The following SLC30A8 variants were observed in gnomAD, a reference collection of about 807,000 sequenced individuals.
SLC30A8 encodes the protein solute carrier family 30 member 8.
A neutral mutation model predicts 36.9 loss-of-function variants in SLC30A8; 27 were observed. The observed-to-expected ratio is 0.73, with a 90% CI of 0.54 to 1.01. The LOEUF (loss-of-function observed/expected upper bound fraction) is 1.01. Ranked by LOEUF, SLC30A8 falls within the 50% of genes least tolerant of loss-of-function variation. The pLI, the probability that SLC30A8 is intolerant of heterozygous loss-of-function variation, is 0.00. For missense variants in SLC30A8, 439 were observed against 452.0 expected (o/e 0.97, Z 0.26); for synonymous variants, 164 against 172.4 (o/e 0.95, Z 0.38).
rs562573611 is a variant in SLC30A8 at position 116,980,687 on chromosome 8, T to C, written c.-266+29568T>C. Among the ~76,000 whole-genome samples the C allele has an allele frequency of 1.9e-4, 29 of 152,202 alleles. 1 individual carries two copies. The South Asian group carries it at 5.8e-3, about 30-fold the overall frequency. ...AACTGGAAAGGGGAATAGAAAACTCTATGCTGCAGCAGAACAAGGTAAAGA... is the reference window on the plus strand; with the variant it reads ...AACTGGAAAGGGGAATAGAAAACTCCATGCTGCAGCAGAACAAGGTAAAGA... On this transcript the variant is annotated intron_variant, in intron 1 of 10. Coordinates refer to the SLC30A8 transcript ENST00000427715.
intron 2 of SLC30A8, 90 bp from the exon 3 acceptor site, chr8:117,152,854 T>C: frequency 9.3e-7 from 1 of 1,076,590 alleles, no homozygotes; most frequent in South Asian, 2.9e-5. Context: ...TTTGTGAGTC[T>C]GTGGCATTTT....
chr8:117,097,414 A>T (rs1362081007), intron 2 of SLC30A8, among the ~76,000 whole-genome samples: 1,613 of 119,956 alleles, frequency 0.013, 101 homozygotes, highest in African/African-American at 0.044. Flanking sequence ...AAAAAAAAAA[A>T]AAAAATATAT....
At chr8:117,160,446 T>TGTGTGTGTGTGTGTGTGTGC (rs150458118) in intron 4 of SLC30A8, among the ~76,000 whole-genome samples, 1 of 144,516 alleles carries the variant, frequency 6.9e-6, no homozygotes, top group African/African-American at 2.5e-5. Context: ...CGCGCACATG[T>TGTGTGTGTGTGTGTGTGTGC]GCGCGCGGTG....
intron 1 of SLC30A8, among the ~76,000 whole-genome samples, chr8:117,017,226 C>T (rs922420412): frequency 7.9e-5 from 12 of 152,100 alleles, no homozygotes; most frequent in Non-Finnish European, 1.5e-5. Context: ...GCTATTGCTG[C>T]TGTTATTAAT....
In SLC30A8 at chr8:116,971,310, AAAAAC is replaced by A. The variant is rs1451611176; in HGVS notation, c.-266+20196_-266+20200del. ...TAGAGGCATTCCCTGTAGGAAAAAA[AAAAAC>A]AAAAACACATCAACTAAATTAAAGT... On this transcript the variant is annotated intron_variant, in intron 1 of 10. Coordinates refer to the SLC30A8 transcript ENST00000427715. Among the ~76,000 whole-genome samples, 12 of 151,882 alleles carry A rather than the reference AAAAAC, an allele frequency of 7.9e-5. No homozygotes were observed. In the East Asian group the frequency reaches 2.3e-3, roughly 29 times the overall value.
chr8:116,984,680 G>A (rs1479003982), intron 1 of SLC30A8, among the ~76,000 whole-genome samples: 3 of 151,702 alleles, frequency 2.0e-5, no homozygotes, highest in African/African-American at 7.3e-5. Context: ...CATTTCAATG[G>A]CTACAAATGT....
chr8:117,062,254 G>A (rs1204501178), intron 2 of SLC30A8, among the ~76,000 whole-genome samples: 2 of 152,174 alleles, frequency 1.3e-5, no homozygotes, highest in African/African-American at 2.4e-5. Context: ...GGTTGTTCTT[G>A]TATTACTATA....
At chr8:117,132,698 G>T (rs983593140), upstream of SLC30A8, among the ~76,000 whole-genome samples, 2 of 151,996 alleles carry the variant, frequency 1.3e-5, no homozygotes, top group Non-Finnish European at 2.9e-5. Context: ...TAGACCAAAG[G>T]TTTGTCAGGG....
chr8:116,970,643 A>G (rs1814761191), intron 1 of SLC30A8, among the ~76,000 whole-genome samples: 1 of 152,144 alleles, frequency 6.6e-6, no homozygotes, highest in African/African-American at 2.4e-5. Context: ...TTTTAATTGT[A>G]TGGGACCACC....
intron 7 of SLC30A8, 84 bp from the exon 8 acceptor site, chr8:117,172,452 G>C: frequency 6.3e-7 from 1 of 1,592,894 alleles, no homozygotes; most frequent in Non-Finnish European, 8.6e-7. Context: ...GCAGGTCAAA[G>C]ACAAAGTACT....
intron 1 of SLC30A8, among the ~76,000 whole-genome samples, chr8:117,020,292 GATAAATA>G (rs796124829): frequency 2.6e-5 from 4 of 152,212 alleles, no homozygotes; most frequent in African/African-American, 9.6e-5. Flanking sequence ...CCAATAAAAT[GATAAATA>G]ATAGAAAGAC....
chr8:117,073,813 A>C (rs1263794973), intron 2 of SLC30A8, among the ~76,000 whole-genome samples: 1 of 152,132 alleles, frequency 6.6e-6, no homozygotes, highest in Non-Finnish European at 1.5e-5. Flanking sequence ...CCAATGGCAC[A>C]GTGGATGACA....
At chr8:117,169,546 C>T (rs1167135160) in intron 6 of SLC30A8, among the ~76,000 whole-genome samples, 2 of 152,088 alleles carry the variant, frequency 1.3e-5, no homozygotes, top group South Asian at 4.2e-4. Flanking sequence ...CTCCCATACC[C>T]AGTGTTATTA....
intron 7 of SLC30A8, 85 bp downstream of exon 7, chr8:117,171,253 C>T: frequency 7.1e-7 from 1 of 1,410,122 alleles, no homozygotes; most frequent in East Asian, 2.3e-5. Flanking sequence ...GTAGAGCTGC[C>T]CTTATTGTCT....
At chr8:117,124,868 C>T (rs1448904825) in intron 2 of SLC30A8, among the ~76,000 whole-genome samples, 6 of 151,376 alleles carry the variant, frequency 4.0e-5, no homozygotes, top group African/African-American at 1.5e-4. Flanking sequence ...TACCCAAAAC[C>T]TCAACATCCC....
Position 117,023,100 on chromosome 8 carries a change from G to T in SLC30A8, c.-265-16119G>T, listed in dbSNP as rs145719800. ...ATACTTCTCAAAAGAAGACATTTATGCAGCCAAAAGACACATGAAAAAATG... is the reference window on the plus strand; with the variant it reads ...ATACTTCTCAAAAGAAGACATTTATTCAGCCAAAAGACACATGAAAAAATG... On this transcript the variant is annotated intron_variant, in intron 1 of 10. Transcript: ENST00000427715. 7.3e-3 allele frequency among the ~76,000 whole-genome samples: 1,106 copies of T among 152,304 alleles called. 7 individuals are homozygous for T. The highest frequency in any genetic ancestry group is 0.025 in the African/African-American group (1,029 of 41,560).
In SLC30A8 at chr8:117,170,907, G is replaced by A. The variant is rs1823343767; in HGVS notation, c.830-127G>A. ...AGGTAAATCTTATTTGTAAACATTT[G>A]AAGTAAGAAACCAGCAAAGGGATGA... On this transcript the variant is annotated intron_variant, in intron 6 of 7. Transcript: ENST00000456015. The A allele has an allele frequency of 4.0e-6, 3 of 748,246 alleles. No homozygotes were observed. In the East Asian group the frequency reaches 8.3e-5, roughly 21 times the overall value. The allele number at this position is 748,246 out of a possible 1,614,324, so 46.4% of individuals were successfully genotyped here. A position where few individuals can be genotyped will look rare whatever the true frequency, so the allele number is the denominator to read the frequency against.
chr8:117,045,336 C>G (rs1817517498), intron 2 of SLC30A8, among the ~76,000 whole-genome samples: 4 of 152,042 alleles, frequency 2.6e-5, no homozygotes, highest in Admixed American at 2.6e-4. Context: ...CATCGTTCCC[C>G]CACCGTACTT....
At chr8:117,141,239 A>G (rs2130949848) in intron 1 of SLC30A8, among the ~76,000 whole-genome samples, 1 of 152,286 alleles carries the variant, frequency 6.6e-6, no homozygotes, top group African/African-American at 2.4e-5. Flanking sequence ...AAAACTACAG[A>G]ACAATATCCC....
Sources: allele counts gnomAD v4.1 joint callset (sites outside exome capture counted in the v4.1 genomes callset), GRCh38; gene constraint gnomAD v4.1.1; transcripts MANE v1.5; gene names NCBI Gene and HGNC (gene_info 2026-07-23, HGNC 2026-07-21).